AKR1C3: variants seen among roughly 807,000 people sequenced by gnomAD.
AKR1C3 encodes the protein aldo-keto reductase family 1 member C3.
A neutral mutation model predicts 43.6 loss-of-function variants in AKR1C3; 48 were observed. The observed-to-expected ratio is 1.10, with a 90% CI of 0.87 to 1.40. The LOEUF is 1.40. AKR1C3 is among the 40% of genes most tolerant of loss of function. The pLI, the probability that AKR1C3 is intolerant of heterozygous loss-of-function variation, is 0.00. For synonymous variants in AKR1C3, 162 were observed against 139.6 expected (o/e 1.16, Z -1.13); for missense variants, 482 against 391.2 (o/e 1.23, Z -1.96).
intron 8 of AKR1C3, 93 bp from the exon 9 acceptor site, chr10:5,107,368 C>G: frequency 1.1e-6 from 1 of 893,520 alleles, no homozygotes. Flanking sequence ...GACAACTTAA[C>G]ATTCATACTA....
intron 1 of AKR1C3, 109 bp from the exon 2 acceptor site, chr10:5,096,301 A>C: frequency 7.5e-7 from 1 of 1,340,558 alleles, no homozygotes; most frequent in East Asian, 2.4e-5. Context: ...TTTTCACCCC[A>C]CATACAGACA....
intron 1 of AKR1C3, among the ~76,000 whole-genome samples, chr10:5,072,586 A>G (rs1838634128): frequency 2.0e-5 from 3 of 152,206 alleles, no homozygotes; most frequent in Non-Finnish European, 2.9e-5. Context: ...CTCTTTGGAA[A>G]TGAAAATATC....
At chr10:5,092,125 A>G (rs1043273618), upstream of AKR1C3, among the ~76,000 whole-genome samples, 1 of 152,084 alleles carries the variant, frequency 6.6e-6, no homozygotes, top group Non-Finnish European at 1.5e-5. Context: ...ACATCCTTCA[A>G]ATTGTCTAAT....
Position 5,096,453 on chromosome 10 carries a change from A to G in AKR1C3, c.128A>G (p.Glu43Gly). The G allele has an allele frequency of 6.2e-7, 1 of 1,613,742 alleles. No individual in the cohort carries two copies. The highest frequency in any genetic ancestry group is 8.5e-7 in the Non-Finnish European group (1 of 1,179,696). ...KALEVTKLAIEAGFRHIDSAH... is the reference protein window; with the variant it reads ...KALEVTKLAIGAGFRHIDSAH... ...TTGGAGGTCACAAAATTAGCAATAG[A>G]AGCTGGGTTCCGCCATATAGATTCT... The change falls in exon 2 of 9, where the codon GAA (glutamate) becomes GGA (glycine). Residue 43 changes from glutamate to glycine, a missense_variant. Physicochemically the swap from Glu to Gly is moderately conservative, Grantham distance 98 (BLOSUM62 -2). Transcript: ENST00000380554.
chr10:5,088,762 T>G (rs1428305384), intron 1 of AKR1C3, among the ~76,000 whole-genome samples: 2 of 151,968 alleles, frequency 1.3e-5, no homozygotes, highest in Non-Finnish European at 2.9e-5. Flanking sequence ...TCAAATTTTC[T>G]GTTCTATTTC....
intron 1 of AKR1C3, among the ~76,000 whole-genome samples, chr10:5,088,607 T>C (rs1839022717): frequency 6.6e-6 from 1 of 151,666 alleles, no homozygotes; most frequent in Non-Finnish European, 1.5e-5. Context: ...ATCATTGGTA[T>C]AAAAGTCTGT....
At position 5,097,470 on chromosome 10, in the gene AKR1C3, C is replaced by G. The variant is rs202144998; in HGVS notation, c.289C>G (p.Pro97Ala). ...TTTTCATCGACCAGAGTTGGTCCGACCAGCCTTGGAAAACTCACTGAAGAA... is the reference window on the plus strand; with the variant it reads ...TTTTCATCGACCAGAGTTGGTCCGAGCAGCCTTGGAAAACTCACTGAAGAA... ...STFHRPELVR[P>A]ALENSLKKAQ... is the part of the protein sequence containing the mutation. The change falls in exon 3 of 9, where the codon CCA becomes GCA. Residue 97 changes from proline to alanine, a missense_variant. Pro to Ala is a conservative substitution (Grantham distance 27). Transcript: ENST00000380554. 1.9e-5 allele frequency: 30 copies of G among 1,613,854 alleles called. No homozygotes were observed. Among genetic ancestry groups the G allele is most frequent in the Admixed American group, 3.3e-5 (2 of 59,998 alleles).
rs1839367307 is a variant in AKR1C3, at chr10:5,102,111, A to T, written c.581A>T (p.His194Leu). ...TTTGGTCAACTGCAGGTAGAATGTC[A>T]TCCGTATTTCAACCGGAGTAAATTG... ...YKPVCNQVEC[H>L]PYFNRSKLLD... The change falls in exon 6 of 9, where the codon CAT becomes CTT. Residue 194 changes from histidine (H) to leucine (L), a missense_variant. Coordinates refer to ENST00000380554, the MANE Select transcript of AKR1C3 (RefSeq NM_003739.6). The T allele has an allele frequency of 6.2e-7, 1 of 1,610,684 alleles. No homozygotes were observed. Among genetic ancestry groups the T allele is most frequent in the Admixed American group, 1.7e-5 (1 of 59,922 alleles).
At chr10:5,079,012 C>G (rs2131814332) in intron 1 of AKR1C3, among the ~76,000 whole-genome samples, 1 of 152,302 alleles carries the variant, frequency 6.6e-6, no homozygotes, top group South Asian at 2.1e-4. Context: ...GTCTTGCTGA[C>G]TTACCATGAC....
At chr10:5,105,306 TGACCCTATCATGTGGGCACAATG>T in intron 7 of AKR1C3, 1 of 79,748 alleles carries the variant, frequency 1.3e-5, no homozygotes, top group Non-Finnish European at 2.0e-5. Context: ...GGGCACAATG[TGACCCTATCATGTGGGCACAATG>T]TCAGCGCTGT....
chr10:5,058,600 G>A (rs1045080697), intron 1 of AKR1C3, among the ~76,000 whole-genome samples: 8 of 152,128 alleles, frequency 5.3e-5, no homozygotes, highest in African/African-American at 1.7e-4. Flanking sequence ...CCTGGACCCT[G>A]CTGATCAGAA....
rs782712890 is a variant in AKR1C3 at position 5,098,824 on chromosome 10, C to G, written c.392C>G (p.Thr131Arg). The change falls in exon 4 of 9, where the codon ACA (threonine) becomes AGA (arginine). Residue 131 changes from threonine to arginine, a missense_variant. By Grantham distance (71) the Thr-to-Arg change is moderately conservative (BLOSUM62 -1). Coordinates refer to ENST00000380554, the MANE Select transcript of AKR1C3 (RefSeq NM_003739.6). ...SLKPGEELSP[T>R]DENGKVIFDI... ...CAGCCAGGTGAGGAACTTTCACCAA[C>G]AGATGAAAATGGAAAAGTAATATTT... 3 of 1,613,522 alleles carry G rather than the reference C, an allele frequency of 1.9e-6. No homozygotes were observed. The highest frequency in any genetic ancestry group is 2.2e-5 in the South Asian group (2 of 90,936).
chr10:5,078,934 G>T (rs1554782107), intron 1 of AKR1C3, among the ~76,000 whole-genome samples: 1 of 152,092 alleles, frequency 6.6e-6, no homozygotes. Context: ...CTTCTTTAAG[G>T]CATTAACACT....
At chr10:5,083,924 T>C (rs112436456) in intron 1 of AKR1C3, among the ~76,000 whole-genome samples, 2,799 of 152,308 alleles carry the variant, frequency 0.018, 84 homozygotes, top group African/African-American at 0.063. Context: ...TTGATGGGGT[T>C]GTTTGTTTTT....
At chr10:5,059,616 G>C (rs1403476246) in intron 1 of AKR1C3, among the ~76,000 whole-genome samples, 1 of 152,192 alleles carries the variant, frequency 6.6e-6, no homozygotes, top group Non-Finnish European at 1.5e-5. Flanking sequence ...CGTGTCTTTA[G>C]TCCAGCGGCC....
intron 4 of AKR1C3, 49 bp from the exon 5 acceptor site, chr10:5,099,278 A>G: frequency 6.2e-7 from 1 of 1,612,514 alleles, no homozygotes; most frequent in South Asian, 1.1e-5. Flanking sequence ...ATTTACCGTG[A>G]TTTGCAGCCA....
intron 1 of AKR1C3, among the ~76,000 whole-genome samples, chr10:5,077,355 C>T (rs1489886231): frequency 6.6e-6 from 1 of 152,116 alleles, no homozygotes; most frequent in South Asian, 2.1e-4. Flanking sequence ...AAGGAAGCTA[C>T]AGTTATCTCC....
chr10:5,066,231 C>T (rs1452609493), intron 1 of AKR1C3, among the ~76,000 whole-genome samples: 1 of 152,164 alleles, frequency 6.6e-6, no homozygotes, highest in African/African-American at 2.4e-5. Flanking sequence ...AGTCTTAGAA[C>T]TAGCGACTCC....
intron 7 of AKR1C3, among the ~76,000 whole-genome samples, chr10:5,103,860 A>T (rs935188524): frequency 6.6e-6 from 1 of 152,204 alleles, no homozygotes; most frequent in Non-Finnish European, 1.5e-5. Context: ...GGATACAGGG[A>T]CATGTGAGTG....
Sources: allele counts gnomAD v4.1 joint callset (sites outside exome capture counted in the v4.1 genomes callset), GRCh38; gene constraint gnomAD v4.1.1; transcripts MANE v1.5; gene names NCBI Gene and HGNC (gene_info 2026-07-23, HGNC 2026-07-21).